Variants in IL1RAPL1 observed in about 807,000 individuals in gnomAD.
IL1RAPL1 encodes interleukin 1 receptor accessory protein like 1, also known as interleukin-1 receptor accessory protein-like 1.
In IL1RAPL1, 3 loss-of-function variants were observed where a neutral mutation model predicts 48.4. The observed-to-expected ratio is 0.06, with a 90% CI of 0.03 to 0.16. The LOEUF (loss-of-function observed/expected upper bound fraction) is 0.16. IL1RAPL1 is among the 10% of genes least tolerant of loss of function. IL1RAPL1 has a pLI of 1.00. For synonymous variants in IL1RAPL1, 185 were observed against 187.7 expected, an observed-to-expected ratio of 0.99 and a Z score of 0.12; for missense variants, 349 against 530.6, an observed-to-expected ratio of 0.66 and a Z score of 3.36.
intron 2 of IL1RAPL1, among the ~76,000 whole-genome samples, chrX:29,147,778 C>T (rs1016763522): frequency 2.7e-5 from 3 of 111,717 alleles, no homozygotes; most frequent in Non-Finnish European, 5.7e-5. Context: ...ACTAATCATA[C>T]GAACTTAGAA....
At chrX:29,394,723 C>A (rs1348426005) in intron 3 of IL1RAPL1, among the ~76,000 whole-genome samples, 1 of 111,376 alleles carries the variant, frequency 9.0e-6, no homozygotes, top group Non-Finnish European at 1.9e-5. Flanking sequence ...CTTATTCTAG[C>A]AAAATTCCTG....
intron 2 of IL1RAPL1, among the ~76,000 whole-genome samples, chrX:28,893,445 A>C (rs1362930487): frequency 9.0e-6 from 1 of 111,463 alleles, no homozygotes; most frequent in Non-Finnish European, 1.9e-5. Context: ...CCCACGAATT[A>C]TGTCTGCCAG....
chrX:29,086,512 C>T (rs1927955936), intron 2 of IL1RAPL1, among the ~76,000 whole-genome samples: 1 of 111,917 alleles, frequency 8.9e-6, no homozygotes, highest in Non-Finnish European at 1.9e-5. Flanking sequence ...CTTGCTGCCT[C>T]ACTTCTTCCT....
At chrX:29,241,571 C>A (rs761842428) in intron 2 of IL1RAPL1, among the ~76,000 whole-genome samples, 25 of 111,242 alleles carry the variant, frequency 2.2e-4, no homozygotes, top group Non-Finnish European at 4.1e-4. Context: ...GGAAATACAG[C>A]AGGGAGATGT....
At chrX:29,535,644 G>A (rs964656176) in intron 5 of IL1RAPL1, among the ~76,000 whole-genome samples, 8 of 112,105 alleles carry the variant, frequency 7.1e-5, no homozygotes, top group African/African-American at 2.6e-4. Flanking sequence ...CACAAATCTT[G>A]ATCTCAGGGT....
intron 2 of IL1RAPL1, among the ~76,000 whole-genome samples, chrX:28,876,253 T>C (rs1336014474): frequency 4.5e-5 from 5 of 111,815 alleles, no homozygotes; most frequent in Non-Finnish European, 9.4e-5. Flanking sequence ...ATGCTCCTGG[T>C]CACTGTGGCA....
chrX:28,588,162 C>T (rs1933864011), intron 1 of IL1RAPL1, 115 bp downstream of exon 1: 1 of 99,241 alleles, frequency 1.0e-5, no homozygotes, highest in Admixed American at 1.1e-4. Flanking sequence ...GTGATGTGGC[C>T]GTTATTGGCA....
intron 2 of IL1RAPL1, among the ~76,000 whole-genome samples, chrX:28,964,453 G>C (rs1397947441): frequency 1.8e-5 from 2 of 111,315 alleles, no homozygotes; most frequent in Non-Finnish European, 3.8e-5. Flanking sequence ...TGTTATGGGT[G>C]GTTGGCTCAT....
intron 1 of IL1RAPL1, among the ~76,000 whole-genome samples, chrX:28,645,912 G>A (rs1490449318): frequency 1.8e-5 from 2 of 111,813 alleles, no homozygotes; most frequent in East Asian, 2.8e-4. Flanking sequence ...CTTCGTAAAG[G>A]TGGTAAAATA....
intron 3 of IL1RAPL1, among the ~76,000 whole-genome samples, chrX:29,365,225 G>C (rs1933434939): frequency 9.0e-6 from 1 of 111,516 alleles, no homozygotes; most frequent in Non-Finnish European, 1.9e-5. Context: ...TCAACACATA[G>C]AAGTGAGGGA....
chrX:29,626,402 G>A (rs1241313101), intron 5 of IL1RAPL1, among the ~76,000 whole-genome samples: 2 of 111,555 alleles, frequency 1.8e-5, no homozygotes, highest in Admixed American at 9.6e-5. Context: ...TGGTTACAGT[G>A]GAAGCAACCA....
chrX:28,769,336 A>C (rs1203153286), intron 1 of IL1RAPL1, among the ~76,000 whole-genome samples: 2 of 111,039 alleles, frequency 1.8e-5, no homozygotes, highest in African/African-American at 6.5e-5. Flanking sequence ...AGAACATAAA[A>C]TGTCACTTTT....
intron 6 of IL1RAPL1, among the ~76,000 whole-genome samples, chrX:29,674,728 C>G (rs957091894): frequency 1.8e-5 from 2 of 111,419 alleles, no homozygotes; most frequent in African/African-American, 6.5e-5. Context: ...CCACCTTCCA[C>G]CCTCAGGTAG....
chrX:29,086,600 C>T (rs947277633), intron 2 of IL1RAPL1, among the ~76,000 whole-genome samples: 1 of 111,398 alleles, frequency 9.0e-6, no homozygotes, highest in African/African-American at 3.3e-5. Context: ...TATTATTATC[C>T]TTGATCTCTA....
chrX:29,395,320 T>C (rs1377161705), intron 3 of IL1RAPL1, among the ~76,000 whole-genome samples: 2 of 111,947 alleles, frequency 1.8e-5, no homozygotes, highest in Admixed American at 9.5e-5. Context: ...AAGCAAACTT[T>C]GAATTCAATA....
chrX:29,440,009 G>C (rs1411850251), intron 5 of IL1RAPL1, among the ~76,000 whole-genome samples: 1 of 107,414 alleles, frequency 9.3e-6, no homozygotes, highest in Non-Finnish European at 1.9e-5. Context: ...GTGTGTGTGT[G>C]TGTGTGTGTG....
chrX:29,495,384 T>C (rs1352883669), intron 5 of IL1RAPL1, among the ~76,000 whole-genome samples: 1 of 112,012 alleles, frequency 8.9e-6, no homozygotes, highest in Non-Finnish European at 1.9e-5. Context: ...GTTCAGGTCA[T>C]AGCATAGTTT....
intron 1 of IL1RAPL1, among the ~76,000 whole-genome samples, chrX:28,714,270 C>A (rs766138880): frequency 1.8e-5 from 2 of 111,540 alleles, no homozygotes; most frequent in East Asian, 5.7e-4. Flanking sequence ...AGAGCCCAGA[C>A]ATCTTGCGGA....
intron 6 of IL1RAPL1, among the ~76,000 whole-genome samples, chrX:29,904,169 T>C (rs1363785797): frequency 4.5e-5 from 5 of 111,454 alleles, no homozygotes; most frequent in Non-Finnish European, 9.4e-5. Flanking sequence ...AGGAGTTTTT[T>C]CGATATCTAA....
Sources: allele counts gnomAD v4.1 joint callset (sites outside exome capture counted in the v4.1 genomes callset), GRCh38; gene constraint gnomAD v4.1.1; transcripts MANE v1.5; gene names NCBI Gene and HGNC (gene_info 2026-07-23, HGNC 2026-07-21).